The following STX8 variants were observed in gnomAD, a reference collection of about 807,000 sequenced individuals.
The protein encoded by STX8 is syntaxin 8.
In STX8, 23 loss-of-function variants were observed where a neutral mutation model predicts 37.5. The observed-to-expected ratio is 0.61, with a 90% CI of 0.44 to 0.87. The LOEUF (loss-of-function observed/expected upper bound fraction) is 0.87, where lower values mean the gene tolerates loss of function less well. STX8 is among the 40% of genes least tolerant of loss of function. The pLI, the probability that STX8 is intolerant of heterozygous loss-of-function variation, is 0.00. For synonymous variants in STX8, 115 were observed against 99.1 expected, an observed-to-expected ratio of 1.16 and a Z score of -0.95; for missense variants, 313 against 284.7, an observed-to-expected ratio of 1.10 and a Z score of -0.71.
intron 6 of STX8, among the ~76,000 whole-genome samples, chr17:9,456,631 G>T (rs2142411477): frequency 6.6e-6 from 1 of 152,144 alleles, no homozygotes; most frequent in Middle Eastern, 3.4e-3. Flanking sequence ...ATCACTTCTT[G>T]GCATGTTCAC....
In STX8 at chr17:9,541,277, A is replaced by T. The variant is rs572252381; in HGVS notation, c.323+3895T>A. Among the ~76,000 whole-genome samples the T allele has an allele frequency of 4.7e-5, 7 of 149,942 alleles. No individual in the cohort carries two copies. In the East Asian group the frequency reaches 1.4e-3, roughly 29 times the overall value. On this transcript the variant is annotated intron_variant, in intron 4 of 7. Transcript: ENST00000306357. ...GCAAGCTGGGCACGGAGGGAAGCAG[A>T]CACGGAACAAATGAGATGTGGAAGA...
intron 6 of STX8, among the ~76,000 whole-genome samples, chr17:9,477,790 G>A (rs1906162860): frequency 6.6e-6 from 1 of 152,180 alleles, no homozygotes; most frequent in South Asian, 2.1e-4. Context: ...GTAAACTTAG[G>A]TATGCATGTT....
intron 5 of STX8, among the ~76,000 whole-genome samples, chr17:9,503,833 C>T (rs896644695): frequency 2.0e-5 from 3 of 152,082 alleles, no homozygotes; most frequent in African/African-American, 7.2e-5. Flanking sequence ...CATGCTATAT[C>T]GGCTCACTGC....
At chr17:9,409,341 A>G (rs1323563043) in intron 6 of STX8, among the ~76,000 whole-genome samples, 2 of 152,176 alleles carry the variant, frequency 1.3e-5, no homozygotes, top group East Asian at 1.9e-4. Context: ...GAAAGTGCTA[A>G]GGAGAATCTG....
intron 4 of STX8, among the ~76,000 whole-genome samples, chr17:9,519,416 C>T (rs1489027886): frequency 6.6e-6 from 1 of 152,018 alleles, no homozygotes; most frequent in East Asian, 1.9e-4. Flanking sequence ...AACAAGGCCT[C>T]CCTCAGAGAT....
intron 6 of STX8, among the ~76,000 whole-genome samples, chr17:9,388,876 T>C (rs1053594351): frequency 6.6e-6 from 1 of 151,486 alleles, no homozygotes; most frequent in East Asian, 1.9e-4. Context: ...CCCCATCTAA[T>C]GATATCATTT....
chr17:9,318,676 G>A (rs1010286294), intron 7 of STX8, among the ~76,000 whole-genome samples: 8 of 152,220 alleles, frequency 5.3e-5, no homozygotes, highest in South Asian at 2.1e-4. Context: ...TTAAAGCTCC[G>A]AAGATAAACT....
At chr17:9,399,369 A>G (rs1354167338) in intron 6 of STX8, among the ~76,000 whole-genome samples, 1 of 152,158 alleles carries the variant, frequency 6.6e-6, no homozygotes, top group African/African-American at 2.4e-5. Context: ...AGTGTTACTA[A>G]AGGTGAAGCT....
At chr17:9,458,343 G>A (rs1376357469) in intron 6 of STX8, among the ~76,000 whole-genome samples, 2 of 152,062 alleles carry the variant, frequency 1.3e-5, no homozygotes, top group East Asian at 1.9e-4. Context: ...TAGAGATGGG[G>A]TTTCACCGTG....
intron 6 of STX8, among the ~76,000 whole-genome samples, chr17:9,382,452 C>CT (rs1231753702): frequency 6.6e-6 from 1 of 152,060 alleles, no homozygotes; most frequent in African/African-American, 2.4e-5. Flanking sequence ...TTAAATTATA[C>CT]TTTAAGTTCT....
intron 3 of STX8, among the ~76,000 whole-genome samples, chr17:9,546,591 GTTTTTTTTTTT>G (rs386385626): frequency 0.024 from 1,250 of 52,330 alleles, 45 homozygotes; most frequent in African/African-American, 0.094. Flanking sequence ...TACAAAAGTG[GTTTTTTTTTTT>G]TTTTTTTTTT....
At chr17:9,279,213 A>G (rs1025637323) in intron 7 of STX8, among the ~76,000 whole-genome samples, 16 of 151,768 alleles carry the variant, frequency 1.1e-4, no homozygotes, top group Admixed American at 1.1e-3. Context: ...ACCCGCCACC[A>G]CGCCTGGCTA....
chr17:9,252,294 A>C (rs1027055176), intron 7 of STX8, among the ~76,000 whole-genome samples: 2 of 152,194 alleles, frequency 1.3e-5, no homozygotes, highest in African/African-American at 4.8e-5. Context: ...AGTACAAAAA[A>C]TTAGCCTGGC....
At chr17:9,541,546 G>A (rs1358303705) in intron 4 of STX8, among the ~76,000 whole-genome samples, 2 of 152,100 alleles carry the variant, frequency 1.3e-5, no homozygotes, top group Admixed American at 1.3e-4. Context: ...TAACAACAAC[G>A]AAAAATGGGC....
rs147608980 is a variant in STX8 at position 9,416,834 on chromosome 17, C to A, written c.542-38181G>T. ...ATGTACACAGTTAGAGGATAACCAG[C>A]CAGTGTTTTGGAGGTCACAAGATTT... On this transcript the variant is annotated intron_variant, in intron 6 of 7. Coordinates refer to ENST00000306357, the MANE Select transcript of STX8 (RefSeq NM_004853.3). 3.0e-3 allele frequency among the ~76,000 whole-genome samples: 451 copies of A among 152,250 alleles called. 1 individual carries two copies. Among genetic ancestry groups the A allele is most frequent in the African/African-American group, 0.01 (427 of 41,546 alleles).
intron 7 of STX8, among the ~76,000 whole-genome samples, chr17:9,346,953 C>T (rs1001033700): frequency 1.3e-5 from 2 of 152,064 alleles, no homozygotes; most frequent in East Asian, 1.9e-4. Flanking sequence ...CATGGAGAAA[C>T]CCCGTCTCTA....
At chr17:9,361,164 G>C (rs1426997848) in intron 7 of STX8, among the ~76,000 whole-genome samples, 1 of 152,094 alleles carries the variant, frequency 6.6e-6, no homozygotes, top group Non-Finnish European at 1.5e-5. Flanking sequence ...CATTGGTAAG[G>C]TTCTGTTGGA....
chr17:9,387,572 C>T (rs1339574066), intron 6 of STX8, among the ~76,000 whole-genome samples: 2 of 152,176 alleles, frequency 1.3e-5, no homozygotes, highest in South Asian at 2.1e-4. Context: ...GGATTACAGG[C>T]GTGAGCCACC....
chr17:9,532,717 A>C (rs1905867038), intron 4 of STX8, among the ~76,000 whole-genome samples: 1 of 152,056 alleles, frequency 6.6e-6, no homozygotes, highest in South Asian at 2.1e-4. Context: ...AACACTATCA[A>C]CCAAACCGAC....
Sources: gnomAD v4.1 joint callset for allele counts (sites outside exome capture counted in the v4.1 genomes callset) on GRCh38, gnomAD v4.1.1 for gene constraint, MANE v1.5 for transcripts, NCBI Gene and HGNC (gene_info 2026-07-23, HGNC 2026-07-21) for gene names.